IFI6: variants seen among roughly 807,000 people sequenced by gnomAD.
The protein encoded by IFI6 is interferon alpha-inducible protein 6.
IFI6 carries 10 observed loss-of-function variants against 12.7 expected under a neutral mutation model. That is an observed-to-expected ratio of 0.79 (90% CI 0.49 to 1.33). The LOEUF is 1.33. Ranked by LOEUF, IFI6 falls within the 40% of genes most tolerant of loss-of-function variation. The pLI, the probability that IFI6 is intolerant of heterozygous loss-of-function variation, is 0.00. For synonymous variants in IFI6, 89 were observed against 86.2 expected (o/e 1.03, Z -0.18); for missense variants, 154 against 180.4 (o/e 0.85, Z 0.84).
chr1:27,669,268 A>AAGAG lies in IFI6; in HGVS notation c.43_46dup (p.Phe16SerfsTer11), dbSNP rs1265273488. 1 of 1,552,108 alleles carries AAGAG rather than the reference A, an allele frequency of 6.4e-7. No individual in the cohort carries two copies. Among genetic ancestry groups the AAGAG allele is most frequent in the African/African-American group, 1.4e-5 (1 of 73,198 alleles). On this transcript the variant is annotated frameshift_variant, in exon 2 of 5. Transcript: ENST00000361157. LOFTEE classifies it high-confidence loss of function. Reference sequence around the variant, plus strand: ...ACCTGCCTCCACCCCACTGCAAGTGAAGAGCAGCAGGTAGCACAAGAAAAG... The same window carrying AAGAG: ...ACCTGCCTCCACCCCACTGCAAGTGAAGAGAGAGCAGCAGGTAGCACAAGAAAAG...
Position 27,670,037 on chromosome 1 carries a change from G to GAA in IFI6, c.-32-692_-32-691insTT, listed in dbSNP as rs1393810114. 6.6e-5 allele frequency: 10 copies of GAA among 152,348 alleles called. 1 individual carries two copies. Among genetic ancestry groups the GAA allele is most frequent in the Middle Eastern group, 3.4e-3 (1 of 294 alleles). 9.4% of individuals were successfully genotyped at this position (152,348 alleles called of 1,614,324 possible). Reference sequence around the variant, plus strand: ...ACAATCAGTCCTCTGGTGAACACCAGCTGAGGGTCCCCAAATTCAATTCTG... The same window carrying GAA: ...ACAATCAGTCCTCTGGTGAACACCAGAACTGAGGGTCCCCAAATTCAATTCTG... On this transcript the variant is annotated intron_variant, in intron 1 of 4. Coordinates refer to ENST00000361157, the MANE Select transcript of IFI6 (RefSeq NM_002038.4).
intron 1 of IFI6, 94 bp downstream of exon 1, chr1:27,672,029 C>T (rs1034117622): frequency 1.3e-5 from 2 of 152,224 alleles, no homozygotes; most frequent in African/African-American, 4.8e-5. Context: ...GAGAAGGGGC[C>T]TCCTGGCTCT....
chr1:27,670,597 G>A (rs1488670690), intron 1 of IFI6, among the ~76,000 whole-genome samples: 1 of 152,060 alleles, frequency 6.6e-6, no homozygotes, highest in African/African-American at 2.4e-5. Context: ...ACATTTACTG[G>A]TTCCTTATGG....
rs1486237462 is a variant in IFI6, at chr1:27,667,051, G to A, written c.299-576C>T. On this transcript the variant is annotated intron_variant, in intron 4 of 4. Coordinates refer to ENST00000361157, the MANE Select transcript of IFI6 (RefSeq NM_002038.4). ...CAGGATTTTGGAGGCCTCAGAGCGC[G>A]AGAGAGAGGTGGGGGTGGGTGGGGA... Among the ~76,000 whole-genome samples, 6 of 141,394 alleles carry A rather than the reference G, an allele frequency of 4.2e-5. No individual in the cohort carries two copies. The South Asian group carries it at 1.2e-3, about 29-fold the overall frequency. The allele number at this position is 141,394 out of a possible 152,430, so 92.8% of individuals were successfully genotyped here.
At chr1:27,671,637 C>T (rs1016761126) in intron 1 of IFI6, among the ~76,000 whole-genome samples, 3 of 151,956 alleles carry the variant, frequency 2.0e-5, no homozygotes, top group Non-Finnish European at 2.9e-5. Flanking sequence ...CCGTGGGTCT[C>T]GGCCTCCCAA....
At chr1:27,671,045 T>A (rs547891632) in intron 1 of IFI6, among the ~76,000 whole-genome samples, 57 of 152,218 alleles carry the variant, frequency 3.7e-4, no homozygotes, top group Non-Finnish European at 7.2e-4. Flanking sequence ...TCAGAATTCA[T>A]GAACCTATGC....
At chr1:27,669,730 T>G (rs1250617245) in intron 1 of IFI6, 3 of 233,456 alleles carry the variant, frequency 1.3e-5, no homozygotes, top group African/African-American at 6.8e-5. Context: ...AGAGTCTATT[T>G]CAGAGGGTAC....
In IFI6 at chr1:27,668,324, G is replaced by A. The variant is rs2090367949; in HGVS notation, c.200C>T (p.Ala67Val). 4 of 1,570,138 alleles carry A rather than the reference G, an allele frequency of 2.5e-6. No individual in the cohort carries two copies. The highest frequency in any genetic ancestry group is 1.4e-5 in the African/African-American group (1 of 73,782). The change falls in exon 4 of 5, where the codon GCG becomes GTG. Residue 67 changes from alanine (A) to valine (V), a missense_variant. Coordinates refer to ENST00000361157, the MANE Select transcript of IFI6 (RefSeq NM_002038.4). ...CAGCGAGGCAGCCACCGAGTTGGCC[G>A]CGATGCCGGCGCCGGTGAAGCCCAG... is the stretch of plus-strand genomic sequence containing the variant. ...PALGFTGAGI[A>V]ANSVAASLMS...
intron 4 of IFI6, among the ~76,000 whole-genome samples, chr1:27,667,229 C>T (rs2090358633): frequency 1.4e-5 from 2 of 140,794 alleles, no homozygotes; most frequent in Non-Finnish European, 3.0e-5. Flanking sequence ...CACAATGAGA[C>T]CCCGTCTCTA....
At position 27,668,211 on chromosome 1, in the gene IFI6, A is replaced by G; in HGVS notation, c.298+15T>C. 2 of 1,477,132 alleles carry G rather than the reference A, an allele frequency of 1.4e-6. No homozygotes were observed. Among genetic ancestry groups the G allele is most frequent in the East Asian group, 2.5e-5 (1 of 40,202 alleles). The allele number at this position is 1,477,132 out of a possible 1,614,324, so 91.5% of individuals were successfully genotyped here. On this transcript the variant is annotated intron_variant, in intron 4 of 4. Transcript: ENST00000361157. Reference sequence around the variant, plus strand: ...GTAAAGAACGTCCCACCAGGGGCCCAGGCCCCGCACTCACCGAGGCTCTGC... The same window carrying G: ...GTAAAGAACGTCCCACCAGGGGCCCGGGCCCCGCACTCACCGAGGCTCTGC...
chr1:27,666,422 C>G lies in IFI6; in HGVS notation c.352G>C (p.Ala118Pro). ...IGNIGALMGY[A>P]THKYLDSEED... ...TCACTATCGAGATACTTGTGGGTGG[C>G]GTAGCCCATCAGGGCACCAATATTA... Residue 118 changes from alanine to proline, a missense_variant, in exon 5 of 5, where the codon GCC becomes CCC. By Grantham distance (27) the Ala-to-Pro change is conservative. Coordinates refer to ENST00000361157, the MANE Select transcript of IFI6 (RefSeq NM_002038.4). The G allele has an allele frequency of 1.9e-6, 3 of 1,612,912 alleles. No individual in the cohort carries two copies. Among genetic ancestry groups the G allele is most frequent in the Non-Finnish European group, 2.5e-6 (3 of 1,179,568 alleles).
At position 27,669,288 on chromosome 1, in the gene IFI6, G is replaced by T. The variant is rs2090385743; in HGVS notation, c.27C>A (p.Phe9Leu). 3 of 1,552,558 alleles carry T rather than the reference G, an allele frequency of 1.9e-6. No homozygotes were observed. Among genetic ancestry groups the T allele is most frequent in the Admixed American group, 3.9e-5 (2 of 51,134 alleles). Reference protein sequence around the residue: MRQKAVSLFLCYLLLFTCS... With the variant: MRQKAVSLLLCYLLLFTCS... The stretch of plus-strand genomic sequence containing the variant: ...AAGTGAAGAGCAGCAGGTAGCACAA[G>T]AAAAGCGATACCGCCTTCTGCCGCA... Residue 9 changes from phenylalanine (F) to leucine (L), a missense_variant, in exon 2 of 5, where the codon TTC becomes TTA. By Grantham distance (22) the Phe-to-Leu change is conservative. Coordinates refer to ENST00000361157, the MANE Select transcript of IFI6 (RefSeq NM_002038.4).
At chr1:27,667,809 G>A (rs1254388199) in intron 4 of IFI6, among the ~76,000 whole-genome samples, 6 of 152,206 alleles carry the variant, frequency 3.9e-5, no homozygotes, top group African/African-American at 1.4e-4. Flanking sequence ...GGTGACTCAC[G>A]CCTGTAATCC....
At chr1:27,670,358 C>T (rs2090394945) in intron 1 of IFI6, 1 of 152,208 alleles carries the variant, frequency 6.6e-6, no homozygotes, top group African/African-American at 2.4e-5. Flanking sequence ...CCCATCTCAG[C>T]TCACTGAGAC....
At position 27,668,234 on chromosome 1, in the gene IFI6, T is replaced by C. The variant is rs754515859; in HGVS notation, c.290A>G (p.Gln97Arg). 4.5e-6 allele frequency: 7 copies of C among 1,558,136 alleles called. No homozygotes were observed. The South Asian group carries it at 8.2e-5, about 18-fold the overall frequency. ...CCAGGCCCCGCACTCACCGAGGCTC[T>C]GCAGCGTGGCCACTAGCCCCCCGGC... ...VPAGGLVATL[Q>R]SLGAGGSSVV... is the part of the protein sequence containing the mutation. Residue 97 changes from glutamine to arginine, a missense_variant, in exon 4 of 5, where the codon CAG (glutamine) becomes CGG (arginine). Gln to Arg is a conservative substitution (Grantham distance 43, BLOSUM62 1). Coordinates refer to ENST00000361157, the MANE Select transcript of IFI6 (RefSeq NM_002038.4).
chr1:27,667,240 CAAAAAA>C (rs761365595), intron 4 of IFI6, among the ~76,000 whole-genome samples: 5 of 12,284 alleles, frequency 4.1e-4, no homozygotes, highest in Non-Finnish European at 8.8e-4. Flanking sequence ...CCCGTCTCTA[CAAAAAA>C]AAAAAAAAAA....
intron 1 of IFI6, among the ~76,000 whole-genome samples, chr1:27,671,016 G>A (rs925815965): frequency 9.9e-5 from 15 of 152,152 alleles, no homozygotes; most frequent in Non-Finnish European, 2.2e-4. Context: ...TGTGCAACAT[G>A]GGTACACATT....
At chr1:27,667,746 G>A (rs924607887) in intron 4 of IFI6, among the ~76,000 whole-genome samples, 5 of 152,216 alleles carry the variant, frequency 3.3e-5, no homozygotes, top group African/African-American at 1.2e-4. Flanking sequence ...TCTAGGCTCT[G>A]GTCTAAACTA....
chr1:27,666,577 G>A (rs991689973), intron 4 of IFI6, 102 bp from the exon 5 acceptor site: 8 of 756,068 alleles, frequency 1.1e-5, no homozygotes, highest in African/African-American at 1.8e-5. Context: ...ATGTCTAGAT[G>A]GAGAAACAGA....
Sources: gnomAD v4.1 joint callset for allele counts (sites outside exome capture counted in the v4.1 genomes callset) on GRCh38, gnomAD v4.1.1 for gene constraint, MANE v1.5 for transcripts, NCBI Gene and HGNC (gene_info 2026-07-23, HGNC 2026-07-21) for gene names.